Variants in AHCTF1 observed in about 807,000 individuals in gnomAD.
The protein encoded by AHCTF1 is AT-hook containing transcription factor 1.
AHCTF1 carries 24 observed loss-of-function variants against 248.4 expected under a neutral mutation model. The ratio of observed to expected loss-of-function variants is 0.10; its 90% CI spans 0.07 to 0.14. The LOEUF (loss-of-function observed/expected upper bound fraction) is 0.14, where lower values mean the gene tolerates loss of function less well. Ranked by LOEUF, AHCTF1 falls within the 10% of genes least tolerant of loss-of-function variation. The pLI, the probability that AHCTF1 is intolerant of heterozygous loss-of-function variation, is 1.00. For missense variants in AHCTF1, 2,206 were observed against 2,636.2 expected (o/e 0.84, Z 3.57); for synonymous variants, 786 against 929.8 (o/e 0.85, Z 2.81).
chr1:246,843,402 G>C (rs959639067), intron 34 of AHCTF1, among the ~76,000 whole-genome samples: 1 of 152,254 alleles, frequency 6.6e-6, no homozygotes, highest in Non-Finnish European at 1.5e-5. Flanking sequence ...ACTCATGGCA[G>C]ATAATTCAAT....
chr1:246,899,939 T>A, intron 10 of AHCTF1, 126 bp downstream of exon 10: 1 of 911,870 alleles, frequency 1.1e-6, no homozygotes, highest in Non-Finnish European at 1.7e-6. Flanking sequence ...TTTCCTAAGT[T>A]ATCCATATGT....
intron 20 of AHCTF1, 45 bp from the exon 21 acceptor site, chr1:246,885,725 C>A (rs1179609576): frequency 6.6e-7 from 1 of 1,509,950 alleles, no homozygotes. Context: ...TAATCCTATA[C>A]ATTTAGACAA....
chr1:246,840,040 T>C lies in AHCTF1; in HGVS notation c.*766A>G, dbSNP rs1320850388. 2.6e-5 allele frequency: 4 copies of C among 152,584 alleles called. No homozygotes were observed. The highest frequency in any genetic ancestry group is 6.5e-5 in the Admixed American group (1 of 15,282). The allele number at this position is 152,584 out of a possible 1,614,324, so 9.5% of individuals were successfully genotyped here. A position where few individuals can be genotyped will look rare whatever the true frequency, so the allele number is the denominator to read the frequency against. Reference sequence around the variant, plus strand: ...TCTCATCCTATCAATATTAGGCACATACAAGATGCACTCAATATCCATAAA... The same window carrying C: ...TCTCATCCTATCAATATTAGGCACACACAAGATGCACTCAATATCCATAAA... On this transcript the variant is annotated 3_prime_UTR_variant, in exon 36 of 36. Transcript: ENST00000648844.
At position 246,895,840 on chromosome 1, in the gene AHCTF1, G is replaced by A; in HGVS notation, c.1709C>T (p.Thr570Ile). 2 of 1,608,882 alleles carry A rather than the reference G, an allele frequency of 1.2e-6. No individual in the cohort carries two copies. Among genetic ancestry groups the A allele is most frequent in the South Asian group, 2.2e-5 (2 of 90,124 alleles). ...ACTTGTTATCAGAATCTTACCTTCT[G>A]TTATCCATCTTCGGATATAACCAGT... is the stretch of plus-strand genomic sequence containing the variant. ...LLTGYIRRWI[T>I]EEQPNSATNL... The change falls in exon 13 of 36, where the codon ACA becomes ATA. Residue 570 changes from threonine (T) to isoleucine (I), a missense_variant. By Grantham distance (89) the Thr-to-Ile change is moderately conservative (BLOSUM62 -1). Coordinates refer to ENST00000648844, the MANE Select transcript of AHCTF1 (RefSeq NM_001323342.2).
chr1:246,867,550 T>C, intron 25 of AHCTF1, 111 bp downstream of exon 25: 14 of 1,383,598 alleles, frequency 1.0e-5, no homozygotes, highest in Non-Finnish European at 1.4e-5. Context: ...GTTTTTCTTT[T>C]TTACATACAC....
At chr1:246,906,537 G>A (rs903240422) in intron 5 of AHCTF1, among the ~76,000 whole-genome samples, 4 of 151,988 alleles carry the variant, frequency 2.6e-5, no homozygotes, top group Non-Finnish European at 4.4e-5. Context: ...AGCCAAGATC[G>A]TGCCACTGCA....
intron 12 of AHCTF1, among the ~76,000 whole-genome samples, chr1:246,896,719 T>A (rs906834689): frequency 2.6e-5 from 4 of 152,224 alleles, no homozygotes; most frequent in African/African-American, 9.6e-5. Context: ...GCACGGTGTA[T>A]GAAATATCTC....
intron 23 of AHCTF1, among the ~76,000 whole-genome samples, 200 bp from the exon 24 acceptor site, chr1:246,876,387 G>A (rs958124159): frequency 2.0e-5 from 3 of 151,772 alleles, no homozygotes; most frequent in African/African-American, 4.8e-5. Context: ...TCCAAATCTC[G>A]CTACCAAGCC....
At chr1:246,869,002 GC>G (rs1662306870) in intron 24 of AHCTF1, among the ~76,000 whole-genome samples, 1 of 150,674 alleles carries the variant, frequency 6.6e-6, no homozygotes, top group Admixed American at 6.6e-5. Context: ...CCGCCACCAT[GC>G]CTGGCTAACT....
chr1:246,840,787 T>A lies in AHCTF1; in HGVS notation c.*19A>T. ...TGATGACTTTACAAATAGGTGTACA[T>A]TAAAATCTTCCCAAGAAATTACAGC... On this transcript the variant is annotated 3_prime_UTR_variant, in exon 36 of 36. Coordinates refer to ENST00000648844, the MANE Select transcript of AHCTF1 (RefSeq NM_001323342.2). 3 of 1,588,832 alleles carry A rather than the reference T, an allele frequency of 1.9e-6. No homozygotes were observed. The highest frequency in any genetic ancestry group is 2.6e-6 in the Non-Finnish European group (3 of 1,168,786).
At chr1:246,913,847 A>T (rs1162953487) in intron 3 of AHCTF1, among the ~76,000 whole-genome samples, 2 of 152,240 alleles carry the variant, frequency 1.3e-5, no homozygotes, top group Non-Finnish European at 2.9e-5. Flanking sequence ...GCTCTTAAAC[A>T]GCTACTCTAG....
At chr1:246,916,095 G>A (rs1553304024) in intron 3 of AHCTF1, 47 bp downstream of exon 3, 1 of 1,580,098 alleles carries the variant, frequency 6.3e-7, no homozygotes, top group East Asian at 2.2e-5. Context: ...ACCAGCAGGG[G>A]TTCAGTTTTG....
At chr1:246,889,915 G>A (rs754239466) in intron 17 of AHCTF1, 51 bp downstream of exon 17, 1 of 1,377,462 alleles carries the variant, frequency 7.3e-7, no homozygotes, top group East Asian at 2.3e-5. Flanking sequence ...ACACTATTCT[G>A]AGAAACTTTG....
chr1:246,891,130 A>G, intron 15 of AHCTF1, 70 bp from the exon 16 acceptor site: 1 of 884,918 alleles, frequency 1.1e-6, no homozygotes, highest in Admixed American at 3.1e-5. Context: ...TTTCAAAATT[A>G]ATCACTTGGT....
At chr1:246,857,964 C>CTTCTTTTTT in intron 29 of AHCTF1, 150 bp from the exon 30 acceptor site, 2 of 493,028 alleles carry the variant, frequency 4.1e-6, no homozygotes, top group African/African-American at 2.1e-5. Context: ...ACACTTTCTT[C>CTTCTTTTTT]TTTTTTTTTT....
Position 246,899,923 on chromosome 1 carries a change from T to C in AHCTF1, c.1432+142A>G. On this transcript the variant is annotated intron_variant, in intron 10 of 35. Transcript: ENST00000648844. ...AAATACTAAGTTTCTTGTGTGTATATATTAATTTCCTAAGTTATCCATATG... is the reference window on the plus strand; with the variant it reads ...AAATACTAAGTTTCTTGTGTGTATACATTAATTTCCTAAGTTATCCATATG... 6.5e-6 allele frequency: 5 copies of C among 765,872 alleles called. No individual in the cohort carries two copies. In the Middle Eastern group the frequency reaches 1.2e-3, roughly 179 times the overall value. The allele number at this position is 765,872 out of a possible 1,614,324, so 47.4% of individuals were successfully genotyped here.
chr1:246,917,582 G>A (rs558552411), intron 2 of AHCTF1, among the ~76,000 whole-genome samples: 6 of 152,274 alleles, frequency 3.9e-5, no homozygotes, highest in African/African-American at 7.2e-5. Flanking sequence ...TGAAGTCATC[G>A]TACAATGCCT....
Position 246,841,836 on chromosome 1 carries a change from G to C in AHCTF1, c.6609-838C>G, listed in dbSNP as rs1318129361. 3.3e-5 allele frequency among the ~76,000 whole-genome samples: 5 copies of C among 152,058 alleles called. No homozygotes were observed. The South Asian group carries it at 8.3e-4, about 25-fold the overall frequency. On this transcript the variant is annotated intron_variant, in intron 35 of 35. Coordinates refer to ENST00000648844, the MANE Select transcript of AHCTF1 (RefSeq NM_001323342.2). Reference sequence around the variant, plus strand: ...AGACAGAGTCTCAGTCTGTCACCCAGGCTGGAGTGCAGTGGCGTGATCTTG... The same window carrying C: ...AGACAGAGTCTCAGTCTGTCACCCACGCTGGAGTGCAGTGGCGTGATCTTG...
rs555034902 is a variant in AHCTF1, at chr1:246,891,708, A to ATG, written c.1945+69_1945+70dup. Reference sequence around the variant, plus strand: ...TAATGATCCATCTAAGACATGGGAAATGTTATTCGTTTCTCTTAGTCAAGA... The same window carrying ATG: ...TAATGATCCATCTAAGACATGGGAAATGTGTTATTCGTTTCTCTTAGTCAAGA... On this transcript the variant is annotated intron_variant, in intron 15 of 35. Transcript: ENST00000648844. 30 of 1,508,690 alleles carry ATG rather than the reference A, an allele frequency of 2.0e-5. No homozygotes were observed. The South Asian group carries it at 3.3e-4, about 17-fold the overall frequency. 93.5% of individuals were successfully genotyped at this position (1,508,690 alleles called of 1,614,324 possible). A position where few individuals can be genotyped will look rare whatever the true frequency, so the allele number is the denominator to read the frequency against.
Sources: gnomAD v4.1 joint callset for allele counts (sites outside exome capture counted in the v4.1 genomes callset) on GRCh38, gnomAD v4.1.1 for gene constraint, MANE v1.5 for transcripts, NCBI Gene and HGNC (gene_info 2026-07-23, HGNC 2026-07-21) for gene names.